The following HDAC8 variants were observed in gnomAD, a reference collection of about 807,000 sequenced individuals.
HDAC8 encodes histone deacetylase-like 1.
In HDAC8, 1 loss-of-function variant was observed where a neutral mutation model predicts 32.2. The ratio of observed to expected loss-of-function variants is 0.03; its 90% CI spans 0.01 to 0.15. The LOEUF is 0.15. HDAC8 is among the 10% of genes least tolerant of loss of function. The probability of loss-of-function intolerance (pLI) is 1.00; values close to 1 mark genes in which losing one functional copy is unlikely to be tolerated. For missense variants in HDAC8, 117 were observed against 300.0 expected, an observed-to-expected ratio of 0.39 and a Z score of 4.51; for synonymous variants, 108 against 113.9, an observed-to-expected ratio of 0.95 and a Z score of 0.33.
At chrX:72,333,550 G>T (rs1319760759) in intron 10 of HDAC8, among the ~76,000 whole-genome samples, 1 of 110,709 alleles carries the variant, frequency 9.0e-6, no homozygotes, top group Non-Finnish European at 1.9e-5. Flanking sequence ...AATTAGCCAG[G>T]TGTGGTGGTG....
chrX:72,504,538 T>C (rs1267490852), intron 4 of HDAC8, among the ~76,000 whole-genome samples: 3 of 109,779 alleles, frequency 2.7e-5, no homozygotes, highest in Non-Finnish European at 5.7e-5. Flanking sequence ...TAATATTCCA[T>C]CACACACACA....
At chrX:72,372,443 G>A (rs1555956714) in intron 9 of HDAC8, among the ~76,000 whole-genome samples, 1 of 111,327 alleles carries the variant, frequency 9.0e-6, no homozygotes, top group African/African-American at 3.3e-5. Flanking sequence ...ACACAGTAGG[G>A]ATCCTGTACA....
At chrX:72,425,701 G>A (rs1020796130) in intron 9 of HDAC8, among the ~76,000 whole-genome samples, 1 of 111,728 alleles carries the variant, frequency 9.0e-6, no homozygotes, top group African/African-American at 3.3e-5. Context: ...GGTTTCTATG[G>A]ATTTCCAAGA....
chrX:72,341,165 G>A (rs1321748352), intron 10 of HDAC8, among the ~76,000 whole-genome samples: 5 of 111,696 alleles, frequency 4.5e-5, no homozygotes, highest in African/African-American at 1.6e-4. Flanking sequence ...GTCTCCTCTG[G>A]CCCAGCTCCC....
At chrX:72,362,360 C>T (rs1019305308) in intron 9 of HDAC8, among the ~76,000 whole-genome samples, 7 of 111,665 alleles carry the variant, frequency 6.3e-5, no homozygotes, top group Non-Finnish European at 3.8e-5. Flanking sequence ...CCTGAGGCCT[C>T]GCCAGAAGAT....
intron 4 of HDAC8, among the ~76,000 whole-genome samples, chrX:72,549,829 C>T (rs782655131): frequency 9.4e-4 from 105 of 111,894 alleles, no homozygotes; most frequent in Non-Finnish European, 1.7e-3. Context: ...TGCTCATCAC[C>T]GCTGCTTTCA....
At chrX:72,345,964 C>G (rs781894045) in intron 10 of HDAC8, among the ~76,000 whole-genome samples, 44 of 111,931 alleles carry the variant, frequency 3.9e-4, no homozygotes, top group African/African-American at 1.4e-3. Flanking sequence ...ATTACAAGCT[C>G]GAGCCATGGC....
At chrX:72,371,918 G>T (rs187042700) in intron 9 of HDAC8, among the ~76,000 whole-genome samples, 188 of 111,386 alleles carry the variant, frequency 1.7e-3, no homozygotes, top group African/African-American at 5.8e-3. Flanking sequence ...GCATGTACAT[G>T]TCAGATGGTG....
intron 4 of HDAC8, among the ~76,000 whole-genome samples, chrX:72,542,691 G>A (rs1433038875): frequency 2.7e-5 from 3 of 111,908 alleles, no homozygotes; most frequent in African/African-American, 9.7e-5. Flanking sequence ...GAGGAAGGGC[G>A]TGAAGTTCAA....
intron 7 of HDAC8, among the ~76,000 whole-genome samples, chrX:72,481,230 C>T (rs1327169526): frequency 2.7e-5 from 3 of 110,621 alleles, no homozygotes; most frequent in African/African-American, 9.9e-5. Flanking sequence ...ACTATCAGAT[C>T]TCATGAGAAC....
chrX:72,355,151 C>T (rs1382671982), intron 9 of HDAC8, among the ~76,000 whole-genome samples: 2 of 112,210 alleles, frequency 1.8e-5, no homozygotes, highest in African/African-American at 6.5e-5. Flanking sequence ...AGTTTTCTGC[C>T]CTATGGTCCT....
intron 4 of HDAC8, among the ~76,000 whole-genome samples, chrX:72,499,647 G>T (rs184831718): frequency 8.9e-6 from 1 of 111,919 alleles, no homozygotes; most frequent in East Asian, 2.8e-4. Context: ...CTAAGGCAGT[G>T]TTAAGAGGGA....
intron 9 of HDAC8, among the ~76,000 whole-genome samples, chrX:72,366,939 T>C (rs1602596297): frequency 1.8e-5 from 2 of 112,103 alleles, no homozygotes; most frequent in Middle Eastern, 4.6e-3. Flanking sequence ...AACCCAGTCA[T>C]TGAAATGATT....
At chrX:72,462,131 G>T in intron 8 of HDAC8, 33 bp from the exon 9 acceptor site, 2 of 1,068,788 alleles carry the variant, frequency 1.9e-6, no homozygotes. Context: ...AGTTAGGAAA[G>T]AATAGTCATA....
chrX:72,524,836 G>A (rs1226316946), intron 4 of HDAC8, among the ~76,000 whole-genome samples: 2 of 110,937 alleles, frequency 1.8e-5, no homozygotes, highest in African/African-American at 6.6e-5. Flanking sequence ...CCTCCCCCAT[G>A]TAGCTATTCC....
intron 9 of HDAC8, among the ~76,000 whole-genome samples, chrX:72,367,346 C>T (rs182541981): frequency 1.8e-4 from 20 of 111,969 alleles, no homozygotes; most frequent in African/African-American, 6.5e-4. Context: ...AGGAAAGGTC[C>T]CCAGCACTGC....
At chrX:72,464,770 T>G (rs2047970218) in intron 7 of HDAC8, 39 bp from the exon 8 acceptor site, 1 of 1,048,796 alleles carries the variant, frequency 9.5e-7, no homozygotes, top group African/African-American at 1.9e-5. Context: ...TAGGTCAGTT[T>G]GGTCTAGGGG....
intron 9 of HDAC8, among the ~76,000 whole-genome samples, chrX:72,460,438 G>A (rs782580113): frequency 6.3e-5 from 7 of 111,400 alleles, no homozygotes; most frequent in Admixed American, 1.9e-4. Flanking sequence ...ATGCCCGGCC[G>A]AGAACTTGCA....
intron 9 of HDAC8, among the ~76,000 whole-genome samples, chrX:72,416,217 G>A (rs1394127152): frequency 1.8e-5 from 2 of 109,438 alleles, no homozygotes; most frequent in African/African-American, 6.6e-5. Context: ...TAATAGCTAC[G>A]GGGCCATTCA....
Sources: allele counts gnomAD v4.1 joint callset (sites outside exome capture counted in the v4.1 genomes callset), GRCh38; gene constraint gnomAD v4.1.1; transcripts MANE v1.5; gene names NCBI Gene and HGNC (gene_info 2026-07-23, HGNC 2026-07-21).